PHYKPL: variants seen among roughly 807,000 people sequenced by gnomAD.
PHYKPL encodes the protein 5-phosphonooxy-L-lysine phospho-lyase.
A neutral mutation model predicts 51.3 loss-of-function variants in PHYKPL; 42 were observed. The observed-to-expected ratio is 0.82, with a 90% CI of 0.64 to 1.06. The LOEUF (loss-of-function observed/expected upper bound fraction) is 1.06, where lower values mean the gene tolerates loss of function less well. PHYKPL is among the 50% of genes least tolerant of loss of function. PHYKPL has a pLI of 0.00. For synonymous variants in PHYKPL, 264 were observed against 236.0 expected (o/e 1.12, Z -1.09); for missense variants, 655 against 586.6 (o/e 1.12, Z -1.20).
intron 8 of PHYKPL, among the ~76,000 whole-genome samples, chr5:178,220,274 G>A (rs1006460632): frequency 5.9e-5 from 9 of 151,656 alleles, no homozygotes; most frequent in South Asian, 2.1e-4. Context: ...TGAGGCGGGC[G>A]GATTACCTGA....
intron 6 of PHYKPL, chr5:178,223,547 T>C: frequency 2.2e-6 from 1 of 452,598 alleles, no homozygotes; most frequent in Non-Finnish European, 4.5e-6. Context: ...GCCAATGGGA[T>C]GGGATACTGG....
intron 8 of PHYKPL, among the ~76,000 whole-genome samples, chr5:178,220,044 A>G (rs1760820855): frequency 6.6e-6 from 1 of 151,320 alleles, no homozygotes; most frequent in Non-Finnish European, 1.5e-5. Context: ...AAATACAAAA[A>G]ATTAGCTGGG....
intron 2 of PHYKPL, 65 bp downstream of exon 2, chr5:178,231,340 C>T: frequency 1.2e-6 from 2 of 1,611,768 alleles, no homozygotes; most frequent in Non-Finnish European, 1.7e-6. Flanking sequence ...CTCAGGTCAC[C>T]TTGGGACCAG....
At chr5:178,229,681 A>C in intron 3 of PHYKPL, 1 of 387,728 alleles carries the variant, frequency 2.6e-6, no homozygotes, top group Non-Finnish European at 4.6e-6. Flanking sequence ...TAAGGCAGAA[A>C]TAAAGGAACA....
intron 12 of PHYKPL, chr5:178,210,430 T>C: frequency 8.6e-6 from 13 of 1,520,466 alleles, no homozygotes; most frequent in Non-Finnish European, 1.2e-5. Context: ...GGGGTCTTAA[T>C]AACATGAGGA....
chr5:178,228,421 A>C, intron 3 of PHYKPL: 1 of 644,730 alleles, frequency 1.6e-6, no homozygotes, highest in South Asian at 1.8e-5. Context: ...TGGATTTGGC[A>C]ACATGGAAGT....
downstream of PHYKPL, chr5:178,207,364 C>G (rs1757114097): frequency 1.0e-6 from 1 of 972,040 alleles, no homozygotes; most frequent in East Asian, 2.5e-5. Flanking sequence ...GTATGCTGCC[C>G]TGATTGGGGC....
Position 178,222,851 on chromosome 5 carries a change from C to T in PHYKPL, c.701+1G>A. ...AGAGCAGACCCCGCCCACCTACTCA[C>T]TCTGCCACTTGGGAGAAGTAGCCAG... On this transcript the variant is annotated splice_donor_variant, in intron 7 of 12. Transcript: ENST00000308158. LOFTEE classifies it high-confidence loss of function. The T allele has an allele frequency of 1.2e-6, 2 of 1,614,144 alleles. No homozygotes were observed. Among genetic ancestry groups the T allele is most frequent in the South Asian group, 1.1e-5 (1 of 91,078 alleles).
intron 8 of PHYKPL, among the ~76,000 whole-genome samples, chr5:178,221,630 T>G (rs1170957330): frequency 6.6e-6 from 1 of 152,188 alleles, no homozygotes; most frequent in East Asian, 1.9e-4. Flanking sequence ...CAATTCAAAC[T>G]GGCTCTTTTT....
chr5:178,231,348 C>G, intron 2 of PHYKPL, 57 bp downstream of exon 2: 3 of 1,612,458 alleles, frequency 1.9e-6, no homozygotes, highest in East Asian at 2.2e-5. Flanking sequence ...ACCTTGGGAC[C>G]AGGTTCACAG....
intron 8 of PHYKPL, among the ~76,000 whole-genome samples, chr5:178,217,506 A>AGCCACT (rs1760059350): frequency 6.6e-6 from 1 of 151,112 alleles, no homozygotes; most frequent in Admixed American, 6.6e-5. Flanking sequence ...TACAGGCGTG[A>AGCCACT]GCCACTGCAC....
At chr5:178,230,184 G>C (rs528683844) in intron 2 of PHYKPL, 85 bp from the exon 3 acceptor site, 4 of 1,535,100 alleles carry the variant, frequency 2.6e-6, no homozygotes, top group Non-Finnish European at 2.7e-6. Context: ...TATAAACCCA[G>C]CCAGAAGAGA....
At position 178,215,378 on chromosome 5, in the gene PHYKPL, A is replaced by G. The variant is rs1235618607; in HGVS notation, c.980T>C (p.Leu327Ser). The change falls in exon 9 of 13, where the codon TTG (leucine) becomes TCG (serine). Residue 327 changes from leucine to serine, a missense_variant. Physicochemically the swap from Leu to Ser is moderately radical, Grantham distance 145 (BLOSUM62 -2). Transcript: ENST00000308158. ...CAVGLAVLNVLEKEQLQDHAT... is the reference protein window; with the variant it reads ...CAVGLAVLNVSEKEQLQDHAT... ...ATGATCCTGGAGCTGCTCCTTCTCC[A>G]AGACATTCAGGACGGCCAGCCCCAC... The G allele has an allele frequency of 1.9e-6, 3 of 1,613,868 alleles. No homozygotes were observed. The African/African-American group carries it at 4.0e-5, about 22-fold the overall frequency.
intron 1 of PHYKPL, 189 bp from the exon 2 acceptor site, chr5:178,231,712 T>C: frequency 6.5e-7 from 1 of 1,546,192 alleles, no homozygotes; most frequent in South Asian, 1.2e-5. Flanking sequence ...AGGAAGCAGA[T>C]GGGGTAACAA....
chr5:178,208,825 C>G lies in PHYKPL; in HGVS notation c.*122G>C, dbSNP rs772697723. The G allele has an allele frequency of 5.9e-5, 9 of 153,502 alleles. No individual in the cohort carries two copies. Among genetic ancestry groups the G allele is most frequent in the East Asian group, 5.8e-4 (3 of 5,198 alleles). The allele number at this position is 153,502 out of a possible 1,614,324, so 9.5% of individuals were successfully genotyped here. ...CATTATGGCCTCGGGCAGGCCCCCC[C>G]ACCCTGAGCCTCTGAAAGCTGACTT... On this transcript the variant is annotated 3_prime_UTR_variant, in exon 13 of 13. Transcript: ENST00000308158.
chr5:178,215,834 C>T (rs1281890453), intron 8 of PHYKPL: 1 of 170,166 alleles, frequency 5.9e-6, no homozygotes, highest in Non-Finnish European at 1.2e-5. Context: ...CGCCAAGCCC[C>T]ACCCAGGAAA....
intron 1 of PHYKPL, 108 bp downstream of exon 1, chr5:178,232,384 G>C (rs949683073): frequency 4.6e-6 from 6 of 1,318,388 alleles, no homozygotes; most frequent in Non-Finnish European, 5.8e-6. Flanking sequence ...GGTAGCAGCG[G>C]CTTCCTAGCC....
At chr5:178,229,913 C>T (rs1171186095) in intron 3 of PHYKPL, 27 bp downstream of exon 3, 3 of 1,608,652 alleles carry the variant, frequency 1.9e-6, no homozygotes, top group Non-Finnish European at 2.6e-6. Flanking sequence ...TCACCCTCTT[C>T]CCGGGGGCTG....
At chr5:178,231,936 C>T (rs1763540409) in intron 1 of PHYKPL, 1 of 1,268,466 alleles carries the variant, frequency 7.9e-7, no homozygotes, top group Non-Finnish European at 1.0e-6. Flanking sequence ...TCCTTGCCAG[C>T]CACGTGGCCC....
Sources: gnomAD v4.1 joint callset for allele counts (sites outside exome capture counted in the v4.1 genomes callset) on GRCh38, gnomAD v4.1.1 for gene constraint, MANE v1.5 for transcripts, NCBI Gene and HGNC (gene_info 2026-07-23, HGNC 2026-07-21) for gene names.